The following CNTNAP5 variants were observed in gnomAD, a reference collection of about 807,000 sequenced individuals.
CNTNAP5 encodes the protein contactin-associated protein-like 5.
CNTNAP5 carries 72 observed loss-of-function variants against 150.2 expected under a neutral mutation model. That is an observed-to-expected ratio of 0.48 (90% CI 0.40 to 0.58). The LOEUF (loss-of-function observed/expected upper bound fraction) is 0.58, where lower values mean the gene tolerates loss of function less well. CNTNAP5 is among the 20% of genes least tolerant of loss of function. The pLI, the probability that CNTNAP5 is intolerant of heterozygous loss-of-function variation, is 0.00. For missense variants in CNTNAP5, 1,636 were observed against 1,626.2 expected, an observed-to-expected ratio of 1.01 and a Z score of -0.10; for synonymous variants, 672 against 619.8, an observed-to-expected ratio of 1.08 and a Z score of -1.25.
At chr2:124,158,536 T>C (rs57288173) in intron 1 of CNTNAP5, among the ~76,000 whole-genome samples, 99 of 152,288 alleles carry the variant, frequency 6.5e-4, no homozygotes, top group African/African-American at 2.3e-3. Context: ...GTGGATTTTT[T>C]CCCCAAATAT....
chr2:124,764,282 A>G (rs1681022608), intron 16 of CNTNAP5, 135 bp downstream of exon 16: 3 of 669,440 alleles, frequency 4.5e-6, no homozygotes, highest in Non-Finnish European at 5.2e-6. Flanking sequence ...TAGCAGTGAT[A>G]ATGTCTAGTT....
intron 19 of CNTNAP5, among the ~76,000 whole-genome samples, chr2:124,812,750 C>T (rs2104659576): frequency 6.6e-6 from 1 of 152,176 alleles, no homozygotes; most frequent in Non-Finnish European, 1.5e-5. Context: ...TGGACCAAAC[C>T]AATGGTTATC....
intron 14 of CNTNAP5, among the ~76,000 whole-genome samples, chr2:124,754,967 T>C (rs963693536): frequency 6.6e-6 from 1 of 152,128 alleles, no homozygotes; most frequent in African/African-American, 2.4e-5. Context: ...AAAGAACTTG[T>C]AATAACAGGT....
intron 17 of CNTNAP5, among the ~76,000 whole-genome samples, chr2:124,780,880 G>A (rs754375813): frequency 6.6e-6 from 1 of 152,202 alleles, no homozygotes; most frequent in Non-Finnish European, 1.5e-5. Context: ...ATAAAGTGCA[G>A]CAAAAAGCCA....
intron 1 of CNTNAP5, among the ~76,000 whole-genome samples, chr2:124,109,263 G>C (rs999124178): frequency 6.6e-6 from 1 of 152,122 alleles, no homozygotes; most frequent in African/African-American, 2.4e-5. Flanking sequence ...GTAGATTTTA[G>C]GCTCCCAGCT....
At chr2:124,843,499 T>C (rs1682986406) in intron 19 of CNTNAP5, among the ~76,000 whole-genome samples, 1 of 152,148 alleles carries the variant, frequency 6.6e-6, no homozygotes. Context: ...ATCTTTTTCA[T>C]ATAATGAATT....
chr2:124,453,807 C>A (rs940370313), intron 6 of CNTNAP5, among the ~76,000 whole-genome samples: 2 of 152,056 alleles, frequency 1.3e-5, no homozygotes, highest in African/African-American at 4.8e-5. Flanking sequence ...AGGAAAGATA[C>A]AGTCTTTTTC....
At chr2:124,497,675 T>C in intron 7 of CNTNAP5, among the ~76,000 whole-genome samples, 1 of 152,224 alleles carries the variant, frequency 6.6e-6, no homozygotes, top group East Asian at 1.9e-4. Flanking sequence ...ATGGTTTCTA[T>C]GCCACGTGCT....
At chr2:124,854,557 C>T (rs17012070) in intron 19 of CNTNAP5, among the ~76,000 whole-genome samples, 29,410 of 152,124 alleles carry the variant, frequency 0.19, 3,482 homozygotes, top group African/African-American at 0.33. Flanking sequence ...AGAACTGTAG[C>T]ATTATAGCCA....
rs200103359 is a variant in CNTNAP5 at position 124,196,070 on chromosome 2, G to T, written c.83-25635G>T. ...AAATGATACCAGGTAAAAAATAGCA[G>T]TTTTTTTTTTCTTGATCAGGATGTA... On this transcript the variant is annotated intron_variant, in intron 1 of 23. Transcript: ENST00000682447. 4.5e-3 allele frequency among the ~76,000 whole-genome samples: 453 copies of T among 100,314 alleles called. 5 individuals carry two copies. The highest frequency in any genetic ancestry group is 0.034 in the East Asian group (115 of 3,404). The allele number at this position is 100,314 out of a possible 152,430, so 65.8% of individuals were successfully genotyped here.
intron 13 of CNTNAP5, among the ~76,000 whole-genome samples, chr2:124,740,440 AG>A (rs1453072130): frequency 2.0e-5 from 3 of 152,164 alleles, no homozygotes; most frequent in Non-Finnish European, 4.4e-5. Flanking sequence ...AAGGGGACAA[AG>A]GCATGGAAGT....
intron 17 of CNTNAP5, 147 bp downstream of exon 17, chr2:124,773,164 A>G (rs1238577505): frequency 6.1e-5 from 42 of 686,374 alleles, no homozygotes; most frequent in Non-Finnish European, 9.3e-5. Flanking sequence ...CATTCTATAC[A>G]TTCTTTTATT....
chr2:124,434,081 C>T (rs1225110168), intron 4 of CNTNAP5, among the ~76,000 whole-genome samples: 1 of 152,124 alleles, frequency 6.6e-6, no homozygotes, highest in Non-Finnish European at 1.5e-5. Context: ...TTTTTCATCT[C>T]TAATGTTGTG....
chr2:124,273,550 C>T (rs1460123233), intron 3 of CNTNAP5, among the ~76,000 whole-genome samples: 1 of 152,102 alleles, frequency 6.6e-6, no homozygotes, highest in Non-Finnish European at 1.5e-5. Flanking sequence ...TTCCATTTCC[C>T]AAAGACAGAA....
chr2:124,146,500 G>T (rs535253312), intron 1 of CNTNAP5, among the ~76,000 whole-genome samples: 9 of 151,738 alleles, frequency 5.9e-5, no homozygotes, highest in Middle Eastern at 3.4e-3. Flanking sequence ...TTTGAATAAG[G>T]ATGCTCATCT....
In CNTNAP5 at chr2:124,885,344, T is replaced by C. The variant is rs1678056118; in HGVS notation, c.3436+15582T>C. On this transcript the variant is annotated intron_variant, in intron 21 of 23. Transcript: ENST00000682447. Reference sequence around the variant, plus strand: ...TTACAACATACCTTTACAGCAGTACTTGGATGAGGGCTTGATTGAATAAGT... The same window carrying C: ...TTACAACATACCTTTACAGCAGTACCTGGATGAGGGCTTGATTGAATAAGT... Among the ~76,000 whole-genome samples the C allele has an allele frequency of 2.6e-5, 4 of 152,026 alleles. No homozygotes were observed. The South Asian group carries it at 8.3e-4, about 32-fold the overall frequency.
At chr2:124,102,124 C>A (rs1295644040) in intron 1 of CNTNAP5, among the ~76,000 whole-genome samples, 1 of 152,268 alleles carries the variant, frequency 6.6e-6, no homozygotes, top group East Asian at 1.9e-4. Flanking sequence ...TCCACCACCC[C>A]CTGAACCAGA....
intron 1 of CNTNAP5, among the ~76,000 whole-genome samples, chr2:124,041,254 C>T (rs949519584): frequency 6.6e-6 from 1 of 152,160 alleles, no homozygotes; most frequent in Non-Finnish European, 1.5e-5. Flanking sequence ...GCATAAATAT[C>T]AATTTTTGTT....
At chr2:124,785,805 A>G (rs574026712) in intron 17 of CNTNAP5, among the ~76,000 whole-genome samples, 4 of 152,348 alleles carry the variant, frequency 2.6e-5, no homozygotes, top group African/African-American at 9.6e-5. Flanking sequence ...CAGCAGAATC[A>G]CATTTTCAAA....
Sources: allele counts gnomAD v4.1 joint callset (sites outside exome capture counted in the v4.1 genomes callset), GRCh38; gene constraint gnomAD v4.1.1; transcripts MANE v1.5; gene names NCBI Gene and HGNC (gene_info 2026-07-23, HGNC 2026-07-21).